Variants in OLA1 observed in about 807,000 individuals in gnomAD.
The protein encoded by OLA1 is Obg like ATPase 1.
A neutral mutation model predicts 48.4 loss-of-function variants in OLA1; 14 were observed. The ratio of observed to expected loss-of-function variants is 0.29; its 90% CI spans 0.19 to 0.45. The LOEUF (loss-of-function observed/expected upper bound fraction) is 0.45. Ranked by LOEUF, OLA1 falls within the 20% of genes least tolerant of loss-of-function variation. The probability of loss-of-function intolerance (pLI) is 1.00; values close to 1 mark genes in which losing one functional copy is unlikely to be tolerated. For missense variants in OLA1, 325 were observed against 467.1 expected, an observed-to-expected ratio of 0.70 and a Z score of 2.80; for synonymous variants, 127 against 150.4, an observed-to-expected ratio of 0.84 and a Z score of 1.14.
intron 7 of OLA1, among the ~76,000 whole-genome samples, chr2:174,104,212 C>G (rs1685462267): frequency 6.6e-6 from 1 of 151,394 alleles, no homozygotes. Flanking sequence ...AGAATGGTTC[C>G]AGAGAGCCAT....
intron 4 of OLA1, among the ~76,000 whole-genome samples, chr2:174,158,802 T>C (rs755654008): frequency 6.6e-6 from 1 of 152,094 alleles, no homozygotes; most frequent in African/African-American, 2.4e-5. Flanking sequence ...TATTTACCCC[T>C]CCAATGTAAA....
At chr2:174,121,403 CTG>C (rs1210003036) in intron 7 of OLA1, among the ~76,000 whole-genome samples, 4 of 152,172 alleles carry the variant, frequency 2.6e-5, no homozygotes, top group Middle Eastern at 3.4e-3. Flanking sequence ...GCGGCAGAAA[CTG>C]TACAGAAAAT....
At chr2:174,095,961 A>G (rs1468741501) in intron 7 of OLA1, among the ~76,000 whole-genome samples, 3 of 152,306 alleles carry the variant, frequency 2.0e-5, no homozygotes, top group South Asian at 2.1e-4. Context: ...AGCAATAAAC[A>G]TAATAAAAAG....
At chr2:174,142,245 CA>C (rs1686471366) in intron 4 of OLA1, among the ~76,000 whole-genome samples, 1 of 152,084 alleles carries the variant, frequency 6.6e-6, no homozygotes, top group East Asian at 1.9e-4. Flanking sequence ...ATGGTCTTTA[CA>C]AAAACAAAAT....
At chr2:174,077,239 C>G (rs1684762143) in intron 10 of OLA1, among the ~76,000 whole-genome samples, 1 of 152,142 alleles carries the variant, frequency 6.6e-6, no homozygotes, top group African/African-American at 2.4e-5. Context: ...CTGTAGACTA[C>G]AAAGCCCACA....
intron 7 of OLA1, 108 bp from the exon 8 acceptor site, chr2:174,082,172 T>A: frequency 8.1e-7 from 1 of 1,227,260 alleles, no homozygotes; most frequent in South Asian, 1.4e-5. Flanking sequence ...CACGGTTTTA[T>A]GATGCCATCT....
chr2:174,099,968 T>G (rs1200624849), intron 7 of OLA1, among the ~76,000 whole-genome samples: 1 of 152,242 alleles, frequency 6.6e-6, no homozygotes, highest in Non-Finnish European at 1.5e-5. Flanking sequence ...TATCACTATT[T>G]GTCTATCAAA....
At chr2:174,168,821 GC>G (rs1687230869) in intron 4 of OLA1, among the ~76,000 whole-genome samples, 1 of 150,996 alleles carries the variant, frequency 6.6e-6, no homozygotes, top group South Asian at 2.1e-4. Flanking sequence ...GGACATAACA[GC>G]CAAATTAAGA....
At chr2:174,103,826 G>C (rs72625248) in intron 7 of OLA1, among the ~76,000 whole-genome samples, 17,269 of 152,116 alleles carry the variant, frequency 0.11, 2,295 homozygotes, top group East Asian at 0.72. Context: ...CTTGTGATAA[G>C]TGCTCTGAAG....
At chr2:174,149,832 T>C (rs925893984) in intron 4 of OLA1, among the ~76,000 whole-genome samples, 9 of 152,184 alleles carry the variant, frequency 5.9e-5, no homozygotes, top group Non-Finnish European at 1.3e-4. Context: ...AAAGGATAAA[T>C]CTACACTCTG....
At chr2:174,195,865 T>C (rs1454684908) in intron 4 of OLA1, among the ~76,000 whole-genome samples, 2 of 152,180 alleles carry the variant, frequency 1.3e-5, no homozygotes, top group African/African-American at 2.4e-5. Context: ...ATAATAAACT[T>C]ACTTTAAATG....
chr2:174,225,756 G>A (rs1293274668), intron 3 of OLA1, among the ~76,000 whole-genome samples: 1 of 152,222 alleles, frequency 6.6e-6, no homozygotes, highest in South Asian at 2.1e-4. Context: ...AATTTGAAGT[G>A]AGAAGCTTTG....
At chr2:174,118,539 C>T (rs1685835509) in intron 7 of OLA1, among the ~76,000 whole-genome samples, 1 of 152,278 alleles carries the variant, frequency 6.6e-6, no homozygotes, top group East Asian at 1.9e-4. Flanking sequence ...ATTTTAATTT[C>T]ACATGACAGA....
chr2:174,172,917 T>A (rs377060585), intron 4 of OLA1, among the ~76,000 whole-genome samples: 2 of 152,160 alleles, frequency 1.3e-5, no homozygotes, highest in African/African-American at 4.8e-5. Context: ...TCTGGTTGTT[T>A]AAAAGAGAGT....
chr2:174,125,758 T>C (rs1372301297), intron 5 of OLA1, among the ~76,000 whole-genome samples: 1 of 152,170 alleles, frequency 6.6e-6, no homozygotes, highest in Non-Finnish European at 1.5e-5. Context: ...CATTACAAAT[T>C]ACATTACAAA....
At chr2:174,226,695 C>A (rs762556053) in intron 3 of OLA1, among the ~76,000 whole-genome samples, 3 of 152,108 alleles carry the variant, frequency 2.0e-5, no homozygotes, top group Non-Finnish European at 4.4e-5. Flanking sequence ...AATGGGGTTT[C>A]TCCATGTTAG....
At chr2:174,107,113 T>C (rs772509057) in intron 7 of OLA1, among the ~76,000 whole-genome samples, 3 of 152,100 alleles carry the variant, frequency 2.0e-5, no homozygotes, top group Non-Finnish European at 2.9e-5. Context: ...ATAAGCTCCT[T>C]GTTGGGAGCT....
Position 174,164,309 on chromosome 2 carries a change from C to T in OLA1, c.374-22309G>A, listed in dbSNP as rs998757262. Among the ~76,000 whole-genome samples, 11 of 91,846 alleles carry T rather than the reference C, an allele frequency of 1.2e-4. No homozygotes were observed. The East Asian group carries it at 2.9e-3, about 24-fold the overall frequency. 60.3% of individuals were successfully genotyped at this position (91,846 alleles called of 152,430 possible). On this transcript the variant is annotated intron_variant, in intron 4 of 10. Coordinates refer to ENST00000284719, the MANE Select transcript of OLA1 (RefSeq NM_013341.5). ...TTTATCCTATGCTCTGACTTTCTCCCATATGGACAAGGTTAGAAGGTTAGA... is the reference window on the plus strand; with the variant it reads ...TTTATCCTATGCTCTGACTTTCTCCTATATGGACAAGGTTAGAAGGTTAGA...
At chr2:174,186,389 TC>T (rs1195284629) in intron 4 of OLA1, among the ~76,000 whole-genome samples, 1 of 152,206 alleles carries the variant, frequency 6.6e-6, no homozygotes, top group Non-Finnish European at 1.5e-5. Context: ...CTTTATGAGC[TC>T]CAACATGACA....
Sources: gnomAD v4.1 joint callset for allele counts (sites outside exome capture counted in the v4.1 genomes callset) on GRCh38, gnomAD v4.1.1 for gene constraint, MANE v1.5 for transcripts, NCBI Gene and HGNC (gene_info 2026-07-23, HGNC 2026-07-21) for gene names.